ZNF107: variants seen among roughly 807,000 people sequenced by gnomAD.
The protein encoded by ZNF107 is C2H2 type zinc-finger protein.
ZNF107 carries 19 observed loss-of-function variants against 12.3 expected under a neutral mutation model. That is an observed-to-expected ratio of 1.55 (90% CI 1.08 to 2.27). ZNF107 has a LOEUF of 2.27. ZNF107 is among the 30% of genes most tolerant of loss of function. ZNF107 has a pLI of 0.00. For synonymous variants in ZNF107, 317 were observed against 330.5 expected (o/e 0.96, Z 0.44); for missense variants, 958 against 979.9 (o/e 0.98, Z 0.30).
intron 3 of ZNF107, among the ~76,000 whole-genome samples, chr7:64,696,352 G>A (rs1213404444): frequency 6.6e-6 from 1 of 151,974 alleles, no homozygotes; most frequent in Non-Finnish European, 1.5e-5. Context: ...CCAGCCTACA[G>A]TTTTTTTAAA....
intron 1 of ZNF107, among the ~76,000 whole-genome samples, chr7:64,688,414 G>A (rs1221983368): frequency 2.0e-5 from 3 of 151,838 alleles, no homozygotes; most frequent in South Asian, 2.1e-4. Context: ...GCACCAAGAC[G>A]TACAGCTAAT....
chr7:64,710,793 A>G lies in ZNF107; in HGVS notation c.*2137A>G, dbSNP rs1344338507. ...GTCGGTATTATTTATGACACTTTCT[A>G]TGAAAGAATAAGGACATTAAAATGT... On this transcript the variant is annotated 3_prime_UTR_variant, in exon 4 of 4. Coordinates refer to ENST00000620827, the MANE Select transcript of ZNF107 (RefSeq NM_001282359.2). 2.0e-5 allele frequency: 3 copies of G among 152,166 alleles called. No homozygotes were observed. Among genetic ancestry groups the G allele is most frequent in the Non-Finnish European group, 4.4e-5 (3 of 68,002 alleles). The allele number at this position is 152,166 out of a possible 1,614,324, so 9.4% of individuals were successfully genotyped here.
chr7:64,703,260 A>T (rs886717481), intron 3 of ZNF107, among the ~76,000 whole-genome samples: 2 of 152,196 alleles, frequency 1.3e-5, no homozygotes, highest in Non-Finnish European at 2.9e-5. Flanking sequence ...AACCATATTC[A>T]TTGTCTACTG....
At chr7:64,666,419 C>G (rs999053761) in intron 1 of ZNF107, 134 bp downstream of exon 1, 3 of 1,218,146 alleles carry the variant, frequency 2.5e-6, no homozygotes, top group Non-Finnish European at 3.4e-6. Context: ...GGCCCTCAGT[C>G]CCCCGCGGCC....
chr7:64,678,417 G>A (rs1789511631), intron 1 of ZNF107, among the ~76,000 whole-genome samples: 1 of 152,140 alleles, frequency 6.6e-6, no homozygotes, highest in African/African-American at 2.4e-5. Flanking sequence ...GTATGTAGTT[G>A]TTCTTTGGTT....
intron 1 of ZNF107, among the ~76,000 whole-genome samples, chr7:64,681,610 C>A (rs891992526): frequency 7.2e-5 from 11 of 152,076 alleles, no homozygotes; most frequent in Admixed American, 5.9e-4. Flanking sequence ...ATCACTCCCC[C>A]CTTATCATCC....
chr7:64,677,724 T>A (rs1789475250), intron 1 of ZNF107, among the ~76,000 whole-genome samples: 1 of 151,408 alleles, frequency 6.6e-6, no homozygotes, highest in South Asian at 2.1e-4. Flanking sequence ...TGGTAGTGGG[T>A]GCCTATAGAC....
intron 3 of ZNF107, among the ~76,000 whole-genome samples, chr7:64,696,098 T>C (rs1169062453): frequency 6.6e-6 from 1 of 151,984 alleles, no homozygotes; most frequent in Non-Finnish European, 1.5e-5. Flanking sequence ...AGTCTCGCTC[T>C]GTTGCCCAGC....
chr7:64,668,404 G>A (rs10085367), intron 1 of ZNF107, among the ~76,000 whole-genome samples: 51,617 of 147,296 alleles, frequency 0.35, 9,428 homozygotes, highest in Non-Finnish European at 0.4. Flanking sequence ...AGAACATGCG[G>A]TGTTTGGTTT....
intron 1 of ZNF107, among the ~76,000 whole-genome samples, chr7:64,666,814 G>C (rs1337491476): frequency 2.6e-5 from 4 of 152,164 alleles, no homozygotes; most frequent in African/African-American, 7.2e-5. Flanking sequence ...TATTTTCCAT[G>C]GGAGGGGCTT....
Position 64,707,048 on chromosome 7 carries a change from ATG to A in ZNF107, c.954_955del (p.Cys318TrpfsTer5). The A allele has an allele frequency of 6.2e-7, 1 of 1,612,340 alleles. No homozygotes were observed. On this transcript the variant is annotated frameshift_variant, in exon 4 of 4. Coordinates refer to ENST00000620827, the MANE Select transcript of ZNF107 (RefSeq NM_001282359.2). LOFTEE classifies it low-confidence loss of function (END_TRUNC). The stretch of plus-strand genomic sequence containing the variant: ...GAGAGAACCTCTACAAGTGTAAAGA[ATG>A]TGGAAAAGCTTTTAACCTATTCTCA... ...TGENLYKCKE[C>X]GKAFNLFSNL...
At chr7:64,699,954 C>A (rs1790415048) in intron 3 of ZNF107, among the ~76,000 whole-genome samples, 1 of 147,498 alleles carries the variant, frequency 6.8e-6, no homozygotes, top group African/African-American at 2.5e-5. Context: ...GTAGTCCCAG[C>A]TACTCGGGAG....
chr7:64,699,520 G>T (rs1333669871), intron 3 of ZNF107, among the ~76,000 whole-genome samples: 1 of 152,124 alleles, frequency 6.6e-6, no homozygotes, highest in Non-Finnish European at 1.5e-5. Context: ...AGCTTGCTGG[G>T]CTCAAGTGAT....
At chr7:64,682,407 C>T (rs1789718799) in intron 1 of ZNF107, among the ~76,000 whole-genome samples, 4 of 152,062 alleles carry the variant, frequency 2.6e-5, no homozygotes, top group Admixed American at 2.6e-4. Context: ...AACAAAACCC[C>T]TTTATAAGCT....
intron 1 of ZNF107, among the ~76,000 whole-genome samples, chr7:64,674,360 T>G (rs766389923): frequency 9.2e-5 from 14 of 152,206 alleles, no homozygotes; most frequent in Non-Finnish European, 2.1e-4. Flanking sequence ...TAAATATTCT[T>G]TTTGTAGCAA....
intron 1 of ZNF107, among the ~76,000 whole-genome samples, chr7:64,675,017 C>T (rs185428421): frequency 1.6e-3 from 247 of 152,222 alleles, no homozygotes; most frequent in Middle Eastern, 6.8e-3. Flanking sequence ...CAGTATTTTG[C>T]TGATGATTTT....
intron 3 of ZNF107, among the ~76,000 whole-genome samples, chr7:64,694,863 G>A (rs1018195893): frequency 2.6e-5 from 4 of 152,056 alleles, no homozygotes; most frequent in African/African-American, 9.7e-5. Flanking sequence ...GAATTTACAA[G>A]TTATGCCTAA....
intron 1 of ZNF107, among the ~76,000 whole-genome samples, chr7:64,680,842 G>A (rs924648478): frequency 3.9e-5 from 6 of 152,284 alleles, no homozygotes; most frequent in African/African-American, 1.2e-4. Flanking sequence ...GCGTGTTTCT[G>A]AATTACAGAT....
chr7:64,681,566 G>T (rs891368544), intron 1 of ZNF107, among the ~76,000 whole-genome samples: 1 of 151,806 alleles, frequency 6.6e-6, no homozygotes, highest in Non-Finnish European at 1.5e-5. Flanking sequence ...CAACCCCAGG[G>T]TCTGGGATAT....
Sources: allele counts gnomAD v4.1 joint callset (sites outside exome capture counted in the v4.1 genomes callset), GRCh38; gene constraint gnomAD v4.1.1; transcripts MANE v1.5; gene names NCBI Gene and HGNC (gene_info 2026-07-23, HGNC 2026-07-21).